STK32B: variants seen among roughly 807,000 people sequenced by gnomAD.
STK32B encodes the protein serine/threonine-protein kinase 32B.
Under a neutral mutation model 52.6 loss-of-function variants are expected in STK32B, and 43 were observed. The observed-to-expected ratio is 0.82, with a 90% CI of 0.64 to 1.05. The LOEUF (loss-of-function observed/expected upper bound fraction) is 1.05. Among genes scored for constraint, STK32B ranks in the 50% least tolerant of loss-of-function variants. The pLI is 0.00. For missense variants in STK32B, 621 were observed against 534.6 expected (o/e 1.16, Z -1.59); for synonymous variants, 238 against 204.3 (o/e 1.17, Z -1.41).
intron 4 of STK32B, among the ~76,000 whole-genome samples, chr4:5,349,600 C>G (rs1438191295): frequency 1.3e-5 from 2 of 151,942 alleles, no homozygotes; most frequent in East Asian, 3.9e-4. Context: ...ATATGAAACC[C>G]CAAAGGAACA....
At chr4:5,069,916 T>C (rs1711647289) in intron 1 of STK32B, among the ~76,000 whole-genome samples, 1 of 152,160 alleles carries the variant, frequency 6.6e-6, no homozygotes, top group Admixed American at 6.5e-5. Flanking sequence ...GGGGATGCAC[T>C]CTGACATGGT....
intron 11 of STK32B, among the ~76,000 whole-genome samples, chr4:5,471,763 G>A (rs1201150172): frequency 6.6e-6 from 1 of 152,112 alleles, no homozygotes; most frequent in African/African-American, 2.4e-5. Flanking sequence ...TCTAAGTGGT[G>A]CATCCTCTAG....
intron 4 of STK32B, among the ~76,000 whole-genome samples, chr4:5,350,545 C>T (rs1208976944): frequency 2.0e-5 from 3 of 151,716 alleles, no homozygotes; most frequent in East Asian, 3.9e-4. Flanking sequence ...AGAATACCAC[C>T]AAAACGCAAT....
intron 4 of STK32B, among the ~76,000 whole-genome samples, chr4:5,348,887 T>C (rs1296283123): frequency 6.6e-6 from 1 of 152,076 alleles, no homozygotes; most frequent in Non-Finnish European, 1.5e-5. Context: ...GATGGCACCT[T>C]AACACTCCTT....
chr4:5,372,390 A>T (rs1478927557), intron 4 of STK32B, among the ~76,000 whole-genome samples: 1 of 152,164 alleles, frequency 6.6e-6, no homozygotes, highest in Non-Finnish European at 1.5e-5. Context: ...CGAAAATGCC[A>T]TGATGGTGCT....
At chr4:5,344,344 C>G (rs979320701) in intron 4 of STK32B, among the ~76,000 whole-genome samples, 1 of 152,164 alleles carries the variant, frequency 6.6e-6, no homozygotes, top group African/African-American at 2.4e-5. Flanking sequence ...AAACCTATTA[C>G]ATAGTGTCTC....
At chr4:5,366,117 G>A (rs981549020) in intron 4 of STK32B, among the ~76,000 whole-genome samples, 3 of 152,076 alleles carry the variant, frequency 2.0e-5, no homozygotes, top group African/African-American at 7.2e-5. Flanking sequence ...GAGAGGTGGT[G>A]AGCCAAGGGC....
chr4:5,213,599 T>C (rs749529034), intron 3 of STK32B, among the ~76,000 whole-genome samples: 3 of 152,204 alleles, frequency 2.0e-5, no homozygotes, highest in Non-Finnish European at 4.4e-5. Context: ...AGGAAATGGA[T>C]TTCTTATATG....
In STK32B at chr4:5,350,534, G is replaced by T. The variant is rs76589941; in HGVS notation, c.434+19141G>T. Among the ~76,000 whole-genome samples the T allele has an allele frequency of 3.1e-3, 472 of 152,080 alleles. 2 individuals are homozygous for T. The highest frequency in any genetic ancestry group is 0.011 in the African/African-American group (448 of 41,518). ...TGGGAAAACTCAAATGTTACCAGTA[G>T]AGAATACCACCAAAACGCAATGATA... On this transcript the variant is annotated intron_variant, in intron 4 of 11. Coordinates refer to ENST00000282908, the MANE Select transcript of STK32B (RefSeq NM_018401.3).
chr4:5,401,457 T>C (rs572896370), intron 5 of STK32B, among the ~76,000 whole-genome samples: 25 of 152,338 alleles, frequency 1.6e-4, no homozygotes, highest in Admixed American at 5.2e-4. Context: ...CAAAATCTGC[T>C]AGTTACACAA....
In STK32B at chr4:5,460,429, G is replaced by A. The variant is rs1267216318; in HGVS notation, c.909+201G>A. Among the ~76,000 whole-genome samples, 1 of 152,196 alleles carries A rather than the reference G, an allele frequency of 6.6e-6. No individual in the cohort carries two copies. The highest frequency in any genetic ancestry group is 1.5e-5 in the Non-Finnish European group (1 of 68,040). ...CAGCCGTACAGCTTCCCTCCTTGTG[G>A]TAGGTCCTTTGGGGGTGCCAAGCCT... On this transcript the variant is annotated intron_variant, in intron 9 of 11. Coordinates refer to ENST00000282908, the MANE Select transcript of STK32B (RefSeq NM_018401.3). This position sits in a 1 kb window ranked among gnomAD's most constrained non-coding sequence, Gnocchi z 4.8.
intron 3 of STK32B, among the ~76,000 whole-genome samples, chr4:5,262,419 G>A (rs1335838650): frequency 6.6e-6 from 1 of 151,600 alleles, no homozygotes; most frequent in Non-Finnish European, 1.5e-5. Context: ...AAGGTCAGGA[G>A]ATCAAGACCA....
At chr4:5,432,653 G>T (rs906411686) in intron 6 of STK32B, among the ~76,000 whole-genome samples, 3 of 152,024 alleles carry the variant, frequency 2.0e-5, no homozygotes, top group African/African-American at 7.2e-5. Context: ...TGGCACAATG[G>T]GTGTAATAAG....
chr4:5,257,678 A>T lies in STK32B; in HGVS notation c.261-73542A>T, dbSNP rs368367626. On this transcript the variant is annotated intron_variant, in intron 3 of 11. Coordinates refer to ENST00000282908, the MANE Select transcript of STK32B (RefSeq NM_018401.3). ...AGTGGGGGCTGGGCATGGTGGCTCA[A>T]GCCTGTGTAATCCCAGCACTTTGGG... Among the ~76,000 whole-genome samples the T allele has an allele frequency of 2.3e-3, 357 of 152,326 alleles. 1 individual carries two copies. Among genetic ancestry groups the T allele is most frequent in the African/African-American group, 7.7e-3 (321 of 41,592 alleles).
chr4:5,313,175 A>T (rs1480193279), intron 3 of STK32B, among the ~76,000 whole-genome samples: 3 of 151,616 alleles, frequency 2.0e-5, no homozygotes, highest in Non-Finnish European at 1.5e-5. Context: ...GTACAAAAAG[A>T]ATTACACACC....
At chr4:5,443,975 C>T (rs36160300) in intron 6 of STK32B, among the ~76,000 whole-genome samples, 57,735 of 152,062 alleles carry the variant, frequency 0.38, 11,865 homozygotes, top group Non-Finnish European at 0.45. Context: ...TCTCCAGCTG[C>T]GTGCTGGGAG....
intron 4 of STK32B, among the ~76,000 whole-genome samples, chr4:5,353,963 C>G (rs1184209310): frequency 6.6e-6 from 1 of 152,084 alleles, no homozygotes; most frequent in Non-Finnish European, 1.5e-5. Flanking sequence ...TTCACAATTG[C>G]GAAGATACGG....
chr4:5,145,146 C>T (rs964680631), intron 2 of STK32B, among the ~76,000 whole-genome samples: 82 of 152,258 alleles, frequency 5.4e-4, no homozygotes, highest in Non-Finnish European at 1.1e-3. Context: ...CATGCAAATA[C>T]GCAGTGAAGG....
At chr4:5,332,948 A>G (rs965746075) in intron 4 of STK32B, among the ~76,000 whole-genome samples, 3 of 152,294 alleles carry the variant, frequency 2.0e-5, no homozygotes, top group African/African-American at 7.2e-5. Flanking sequence ...TAGTGCCGCA[A>G]TAAACATAAG....
Sources: allele counts gnomAD v4.1 joint callset (sites outside exome capture counted in the v4.1 genomes callset), GRCh38; gene constraint gnomAD v4.1.1; non-coding constraint Gnocchi (gnomAD v3.1); transcripts MANE v1.5; gene names NCBI Gene and HGNC (gene_info 2026-07-23, HGNC 2026-07-21).